Variants in PRICKLE2 observed in about 807,000 individuals in gnomAD.
PRICKLE2 encodes the protein prickle-like protein 2.
Under a neutral mutation model 81.4 loss-of-function variants are expected in PRICKLE2, and 21 were observed. The observed-to-expected ratio is 0.26, with a 90% confidence interval of 0.18 to 0.37. The LOEUF (loss-of-function observed/expected upper bound fraction) is 0.37. Among genes scored for constraint, PRICKLE2 ranks in the 10% least tolerant of loss-of-function variants. PRICKLE2 has a pLI of 1.00. For missense variants in PRICKLE2, 940 were observed against 1,109.0 expected, an observed-to-expected ratio of 0.85 and a Z score of 2.16; for synonymous variants, 456 against 421.5, an observed-to-expected ratio of 1.08 and a Z score of -1.00.
intron 7 of PRICKLE2, among the ~76,000 whole-genome samples, chr3:64,135,264 A>C (rs1351270689): frequency 2.0e-5 from 3 of 152,222 alleles, no homozygotes; most frequent in Admixed American, 2.0e-4. Context: ...CTGCTGGGTA[A>C]GAAGCAAAAT....
chr3:64,244,396 G>GT (rs2079314774), intron 2 of PRICKLE2, among the ~76,000 whole-genome samples: 1 of 152,170 alleles, frequency 6.6e-6, no homozygotes, highest in Admixed American at 6.5e-5. Context: ...GAATTATGTA[G>GT]TAACTGATGC....
intron 6 of PRICKLE2, among the ~76,000 whole-genome samples, chr3:64,149,795 T>C (rs2077514777): frequency 6.6e-6 from 1 of 152,104 alleles, no homozygotes; most frequent in Non-Finnish European, 1.5e-5. Flanking sequence ...GAGAGAGGAA[T>C]GAGGGCAATT....
At chr3:64,234,960 T>G (rs2107164729) in intron 2 of PRICKLE2, among the ~76,000 whole-genome samples, 1 of 152,298 alleles carries the variant, frequency 6.6e-6, no homozygotes, top group African/African-American at 2.4e-5. Context: ...TTCAAATATT[T>G]TTTCAGCTTT....
rs1420982033 is a variant in PRICKLE2 at position 64,126,241 on chromosome 3, A to G, written c.1660+20589T>C. 3.3e-5 allele frequency among the ~76,000 whole-genome samples: 5 copies of G among 152,342 alleles called. No individual in the cohort carries two copies. In the East Asian group the frequency reaches 7.7e-4, roughly 24 times the overall value. On this transcript the variant is annotated intron_variant, in intron 7 of 7. Transcript: ENST00000638394. ...AGTCTGGGACAAGAATTTTTAGCCC[A>G]ATATTTATCATTTCTGAAACACTAG...
intron 2 of PRICKLE2, among the ~76,000 whole-genome samples, chr3:64,252,499 A>T (rs2079462350): frequency 6.6e-6 from 1 of 152,312 alleles, no homozygotes; most frequent in East Asian, 1.9e-4. Context: ...CATCATCCCA[A>T]CATCGATTCT....
upstream of PRICKLE2, among the ~76,000 whole-genome samples, chr3:64,227,830 C>T (rs1415888337): frequency 1.3e-5 from 2 of 152,176 alleles, no homozygotes; most frequent in African/African-American, 4.8e-5. Flanking sequence ...AATCATGCTT[C>T]CACCATTAAC....
At chr3:64,204,951 C>G (rs371404524) in intron 1 of PRICKLE2, among the ~76,000 whole-genome samples, 14 of 152,232 alleles carry the variant, frequency 9.2e-5, no homozygotes, top group South Asian at 6.2e-4. Context: ...ATGCACACAG[C>G]AACACCCAAC....
chr3:64,236,308 A>G (rs1446457768), intron 2 of PRICKLE2, among the ~76,000 whole-genome samples: 5 of 152,126 alleles, frequency 3.3e-5, no homozygotes, highest in Non-Finnish European at 7.4e-5. Flanking sequence ...TAGGTCCTCA[A>G]TAAATATGGG....
At chr3:64,176,832 G>A (rs1333107477) in intron 2 of PRICKLE2, among the ~76,000 whole-genome samples, 4 of 152,146 alleles carry the variant, frequency 2.6e-5, no homozygotes, top group Non-Finnish European at 4.4e-5. Context: ...AGTTTCAAAT[G>A]AATCATAAAA....
At chr3:64,231,613 G>A (rs1158721830) in intron 2 of PRICKLE2, among the ~76,000 whole-genome samples, 1 of 152,098 alleles carries the variant, frequency 6.6e-6, no homozygotes, top group African/African-American at 2.4e-5. Context: ...AAAACTCTCT[G>A]CCTCATAAAG....
chr3:64,202,645 C>CGTGCGT (rs1553652980), intron 1 of PRICKLE2, among the ~76,000 whole-genome samples: 2 of 149,326 alleles, frequency 1.3e-5, no homozygotes, highest in Admixed American at 1.3e-4. Flanking sequence ...TACTTGTGTG[C>CGTGCGT]GTGTGTGTGT....
chr3:64,233,675 A>C lies in PRICKLE2; in HGVS notation c.129-34708T>G, dbSNP rs530897588. ...AATTCCCTACTTTATTTTTCTCCTT[A>C]GATCCTTTTAAGAAGAGTTATATTG... On this transcript the variant is annotated intron_variant, in intron 2 of 8. Coordinates refer to the PRICKLE2 transcript ENST00000295902. 3.3e-5 allele frequency among the ~76,000 whole-genome samples: 5 copies of C among 152,326 alleles called. No homozygotes were observed. The East Asian group carries it at 9.6e-4, about 29-fold the overall frequency.
intron 2 of PRICKLE2, among the ~76,000 whole-genome samples, chr3:64,236,523 G>T (rs1402373442): frequency 6.6e-6 from 1 of 152,202 alleles, no homozygotes; most frequent in Non-Finnish European, 1.5e-5. Context: ...AATGAGGAAT[G>T]TAACTACAGC....
At chr3:64,160,369 A>G (rs770751294) in intron 3 of PRICKLE2, among the ~76,000 whole-genome samples, 2 of 152,182 alleles carry the variant, frequency 1.3e-5, no homozygotes, top group Non-Finnish European at 2.9e-5. Flanking sequence ...CACTCTGCTC[A>G]CCATGTTAAG....
chr3:64,154,819 T>G (rs2077603722), intron 5 of PRICKLE2: 1 of 152,114 alleles, frequency 6.6e-6, no homozygotes, highest in Non-Finnish European at 1.5e-5. Flanking sequence ...TGGACTAGTA[T>G]ACAGAATATA....
chr3:64,173,555 C>A (rs1020146948), intron 2 of PRICKLE2, among the ~76,000 whole-genome samples: 19 of 152,012 alleles, frequency 1.2e-4, no homozygotes, highest in Admixed American at 5.2e-4. Context: ...GAAAACTGAC[C>A]AATTGGCTCT....
intron 2 of PRICKLE2, among the ~76,000 whole-genome samples, chr3:64,179,003 CTT>C (rs779984863): frequency 6.8e-6 from 1 of 147,940 alleles, no homozygotes; most frequent in African/African-American, 2.5e-5. Flanking sequence ...TTCTTTCTTT[CTT>C]TCTTTCTTTC....
chr3:64,101,487 G>A (rs2076661744), intron 7 of PRICKLE2: 1 of 152,190 alleles, frequency 6.6e-6, no homozygotes, highest in Non-Finnish European at 1.5e-5. Flanking sequence ...GGGTTTGTCA[G>A]AAGGACACAG....
At chr3:64,252,345 T>C (rs936958764) in intron 2 of PRICKLE2, among the ~76,000 whole-genome samples, 5 of 152,156 alleles carry the variant, frequency 3.3e-5, no homozygotes, top group Admixed American at 2.0e-4. Context: ...CCACTGACTA[T>C]GCCCACTCAG....
Sources: gnomAD v4.1 joint callset for allele counts (sites outside exome capture counted in the v4.1 genomes callset) on GRCh38, gnomAD v4.1.1 for gene constraint, MANE v1.5 for transcripts, NCBI Gene and HGNC (gene_info 2026-07-23, HGNC 2026-07-21) for gene names.